ZNF804B: variants seen among roughly 807,000 people sequenced by gnomAD.
ZNF804B encodes the protein zinc finger 804B.
A neutral mutation model predicts 101.4 loss-of-function variants in ZNF804B; 80 were observed. The ratio of observed to expected loss-of-function variants is 0.79; its 90% CI spans 0.66 to 0.95. The LOEUF is 0.95. Among genes scored for constraint, ZNF804B ranks in the 40% least tolerant of loss-of-function variants. ZNF804B has a pLI of 0.00. For missense variants in ZNF804B, 1,673 were observed against 1,561.9 expected, an observed-to-expected ratio of 1.07 and a Z score of -1.20; for synonymous variants, 622 against 558.8, an observed-to-expected ratio of 1.11 and a Z score of -1.59.
At chr7:89,243,675 T>A (rs188345048) in intron 2 of ZNF804B, among the ~76,000 whole-genome samples, 100 of 152,002 alleles carry the variant, frequency 6.6e-4, no homozygotes, top group South Asian at 3.1e-3. Context: ...ATTTCTGAAA[T>A]ATTTTCCAGC....
chr7:89,118,908 GTGA>G (rs1790357493), intron 1 of ZNF804B, among the ~76,000 whole-genome samples: 2 of 152,174 alleles, frequency 1.3e-5, no homozygotes, highest in African/African-American at 2.4e-5. Context: ...GATGATGATG[GTGA>G]TGATGATGAC....
intron 1 of ZNF804B, among the ~76,000 whole-genome samples, chr7:88,771,875 T>C (rs375094247): frequency 2.0e-5 from 3 of 152,148 alleles, no homozygotes; most frequent in Non-Finnish European, 4.4e-5. Flanking sequence ...ATGTATTTAA[T>C]GGCAAGACAG....
chr7:89,094,553 A>G (rs1245030013), intron 1 of ZNF804B, among the ~76,000 whole-genome samples: 1 of 152,136 alleles, frequency 6.6e-6, no homozygotes, highest in Non-Finnish European at 1.5e-5. Flanking sequence ...TTTTTAAAAA[A>G]AAATCCTGGA....
At chr7:89,099,701 G>A (rs1237623698) in intron 1 of ZNF804B, among the ~76,000 whole-genome samples, 3 of 152,266 alleles carry the variant, frequency 2.0e-5, no homozygotes, top group African/African-American at 4.8e-5. Flanking sequence ...TTGTGTTGGG[G>A]TTTTGAGGTA....
intron 1 of ZNF804B, among the ~76,000 whole-genome samples, chr7:88,935,369 T>TAA (rs3034324): frequency 3.8e-5 from 5 of 131,218 alleles, no homozygotes; most frequent in Non-Finnish European, 8.3e-5. Flanking sequence ...TAAAAGTAAT[T>TAA]AAAAAAAAAA....
At chr7:88,880,734 A>C (rs1476049414) in intron 1 of ZNF804B, among the ~76,000 whole-genome samples, 3 of 152,068 alleles carry the variant, frequency 2.0e-5, no homozygotes, top group African/African-American at 7.2e-5. Flanking sequence ...ATTTTAATTA[A>C]ATTTTTCTTA....
intron 1 of ZNF804B, among the ~76,000 whole-genome samples, chr7:88,878,341 A>T (rs898030109): frequency 3.9e-5 from 6 of 152,128 alleles, no homozygotes; most frequent in Non-Finnish European, 5.9e-5. Context: ...TTTATTATTT[A>T]TATCACATTT....
chr7:88,777,765 T>G (rs541861783), intron 1 of ZNF804B, among the ~76,000 whole-genome samples: 152 of 150,660 alleles, frequency 1.0e-3, no homozygotes, highest in South Asian at 2.9e-3. Context: ...CGAGAATAAT[T>G]TGAGACCCAG....
At chr7:89,117,804 C>A (rs1189428457) in intron 1 of ZNF804B, among the ~76,000 whole-genome samples, 1 of 152,060 alleles carries the variant, frequency 6.6e-6, no homozygotes, top group African/African-American at 2.4e-5. Flanking sequence ...TCATAGCTGG[C>A]ATATAAATGT....
rs1790076950 is a variant in ZNF804B at position 89,280,611 on chromosome 7, A to G, written c.250-46733A>G. 1.3e-5 allele frequency among the ~76,000 whole-genome samples: 2 copies of G among 152,260 alleles called. 1 individual carries two copies. The highest frequency in any genetic ancestry group is 4.1e-4 in the South Asian group (2 of 4,834). ...CCACAGAAATACAAACTACCATCAG[A>G]TAATTCTACAAACACCTCTATGCAA... On this transcript the variant is annotated intron_variant, in intron 2 of 3. Coordinates refer to ENST00000333190, the MANE Select transcript of ZNF804B (RefSeq NM_181646.5).
At chr7:88,944,132 G>A (rs4728794) in intron 1 of ZNF804B, among the ~76,000 whole-genome samples, 6,073 of 151,768 alleles carry the variant, frequency 0.04, 240 homozygotes, top group East Asian at 0.17. Context: ...GATATTTATG[G>A]GATTTTGGTG....
chr7:89,075,048 G>A (rs1789595039), intron 1 of ZNF804B, among the ~76,000 whole-genome samples: 1 of 152,156 alleles, frequency 6.6e-6, no homozygotes, highest in African/African-American at 2.4e-5. Flanking sequence ...TTCAATAGGT[G>A]ACTTGGGTAC....
chr7:88,822,674 C>G (rs185188919), intron 1 of ZNF804B, among the ~76,000 whole-genome samples: 1 of 152,282 alleles, frequency 6.6e-6, no homozygotes, highest in Admixed American at 6.5e-5. Context: ...TAGGACTTGA[C>G]AGCAGCACCA....
chr7:89,124,331 G>A (rs547812334), intron 1 of ZNF804B, among the ~76,000 whole-genome samples: 2 of 152,246 alleles, frequency 1.3e-5, no homozygotes, highest in African/African-American at 4.8e-5. Context: ...ATCCTACGCA[G>A]AAGAGCTAAT....
At chr7:89,163,033 A>G (rs888226871) in intron 1 of ZNF804B, among the ~76,000 whole-genome samples, 29 of 151,968 alleles carry the variant, frequency 1.9e-4, no homozygotes, top group African/African-American at 7.0e-4. Context: ...ATAGAATTCC[A>G]TGGTGTATAT....
At chr7:89,141,843 C>A in intron 1 of ZNF804B, among the ~76,000 whole-genome samples, 1 of 150,196 alleles carries the variant, frequency 6.7e-6, no homozygotes, top group Non-Finnish European at 1.5e-5. Flanking sequence ...GAGGGGACTT[C>A]CAAAAGCTCC....
At chr7:88,854,694 G>A (rs1414790901) in intron 1 of ZNF804B, among the ~76,000 whole-genome samples, 3 of 149,164 alleles carry the variant, frequency 2.0e-5, no homozygotes, top group Non-Finnish European at 4.4e-5. Flanking sequence ...ATGTTGGTGT[G>A]CTGCACCCAT....
chr7:89,005,326 A>G (rs952368566), intron 1 of ZNF804B, among the ~76,000 whole-genome samples: 6 of 152,022 alleles, frequency 3.9e-5, no homozygotes, highest in Non-Finnish European at 8.8e-5. Context: ...AGTGTATATC[A>G]CAGAGAACAT....
In ZNF804B at chr7:89,280,796, A is replaced by C. The variant is rs553511206; in HGVS notation, c.250-46548A>C. ...CCAATCAAAAAGAGTCCAGGACCAG[A>C]TGGATTCACAGCCGAATTCTACCAG... On this transcript the variant is annotated intron_variant, in intron 2 of 3. Transcript: ENST00000333190. 2.0e-5 allele frequency among the ~76,000 whole-genome samples: 3 copies of C among 152,336 alleles called. No individual in the cohort carries two copies. The South Asian group carries it at 6.2e-4, about 32-fold the overall frequency.
Sources: gnomAD v4.1 joint callset for allele counts (sites outside exome capture counted in the v4.1 genomes callset) on GRCh38, gnomAD v4.1.1 for gene constraint, MANE v1.5 for transcripts, NCBI Gene and HGNC (gene_info 2026-07-23, HGNC 2026-07-21) for gene names.